Variants in SRSF9 observed in about 807,000 individuals in gnomAD.
SRSF9 encodes the protein serine and arginine rich splicing factor 9.
In SRSF9, 3 loss-of-function variants were observed where a neutral mutation model predicts 25.9. That is an observed-to-expected ratio of 0.12 (90% confidence interval 0.05 to 0.30). SRSF9 has a LOEUF of 0.30. Ranked by LOEUF, SRSF9 falls within the 10% of genes least tolerant of loss-of-function variation. The pLI is 1.00. For missense variants in SRSF9, 161 were observed against 303.5 expected, an observed-to-expected ratio of 0.53 and a Z score of 3.49; for synonymous variants, 114 against 113.2, an observed-to-expected ratio of 1.01 and a Z score of -0.05.
At chr12:120,463,615 AC>A (rs1878414928) in intron 3 of SRSF9, 1 of 181,254 alleles carries the variant, frequency 5.5e-6, no homozygotes, top group Non-Finnish European at 1.2e-5. Flanking sequence ...ACAGAGGGAT[AC>A]TGCCATTTAA....
intron 3 of SRSF9, chr12:120,462,536 A>C (rs1203619485): frequency 5.9e-6 from 1 of 168,194 alleles, no homozygotes; most frequent in East Asian, 1.8e-4. Flanking sequence ...CTGCCACCTC[A>C]TGTATGCATC....
chr12:120,462,239 C>A, intron 3 of SRSF9, 77 bp from the exon 4 acceptor site: 2 of 1,473,228 alleles, frequency 1.4e-6, no homozygotes, highest in Non-Finnish European at 1.8e-6. Context: ...CAACATCTAA[C>A]AATAATAGTT....
intron 2 of SRSF9, chr12:120,464,397 G>A (rs923315456): frequency 1.9e-5 from 6 of 309,160 alleles, no homozygotes; most frequent in African/African-American, 1.1e-4. Flanking sequence ...TAGTATCTTT[G>A]AGAATTCATA....
In SRSF9 at chr12:120,461,963, A is replaced by T; in HGVS notation, c.*56T>A. On this transcript the variant is annotated 3_prime_UTR_variant, in exon 4 of 4. Transcript: ENST00000229390. ...TCCTCAATCTGGAATGTAGATTCTG[A>T]GCACAAAGCAGCTCAGTTAACCTAA... is the stretch of plus-strand genomic sequence containing the variant. 1 of 1,470,472 alleles carries T rather than the reference A, an allele frequency of 6.8e-7. No individual in the cohort carries two copies. The highest frequency in any genetic ancestry group is 1.4e-5 in the South Asian group (1 of 70,396). 91.1% of individuals were successfully genotyped at this position (1,470,472 alleles called of 1,614,324 possible). A position where few individuals can be genotyped will look rare whatever the true frequency, so the allele number is the denominator to read the frequency against.
At position 120,469,514 on chromosome 12, in the gene SRSF9, G is replaced by T. The variant is rs200055366; in HGVS notation, c.96C>A (p.Asp32Glu). 79 of 1,595,340 alleles carry T rather than the reference G, an allele frequency of 5.0e-5. No individual in the cohort carries two copies. The highest frequency in any genetic ancestry group is 4.8e-4 in the African/African-American group (35 of 72,770). Reference protein sequence around the residue: ...PTDVREKDLEDLFYKYGRIRE... With the variant: ...PTDVREKDLEELFYKYGRIRE... Reference sequence around the variant, plus strand: ...GGATGCGGCCGTACTTGTAGAACAGGTCCTCCAAGTCCTTCTCGCGCACGT... The same window carrying T: ...GGATGCGGCCGTACTTGTAGAACAGTTCCTCCAAGTCCTTCTCGCGCACGT... The change falls in exon 1 of 4, where the codon GAC becomes GAA. Residue 32 changes from aspartate to glutamate, a missense_variant. By Grantham distance (45) the Asp-to-Glu change is conservative. Transcript: ENST00000229390.
intron 1 of SRSF9, 112 bp from the exon 2 acceptor site, chr12:120,465,899 G>C: frequency 9.4e-7 from 1 of 1,067,582 alleles, no homozygotes; most frequent in East Asian, 3.0e-5. Context: ...GAAACCTAGA[G>C]TGAAGAAAAA....
chr12:120,469,024 G>A (rs1052718181), intron 1 of SRSF9, among the ~76,000 whole-genome samples: 2 of 151,926 alleles, frequency 1.3e-5, no homozygotes, highest in Non-Finnish European at 2.9e-5. Context: ...AGCACGGGCC[G>A]GGGGAGAGGC....
chr12:120,463,121 A>G (rs533450304), intron 3 of SRSF9: 1 of 70,954 alleles, frequency 1.4e-5, no homozygotes, highest in Admixed American at 1.1e-4. Flanking sequence ...AGAAAAAAAC[A>G]ATGTCCAACT....
chr12:120,464,195 C>G, intron 2 of SRSF9, 73 bp from the exon 3 acceptor site: 1 of 1,507,958 alleles, frequency 6.6e-7, no homozygotes, highest in Non-Finnish European at 8.9e-7. Flanking sequence ...CCAGCAATAC[C>G]TATGGTCCTT....
At chr12:120,469,316 G>A (rs1405065582) in intron 1 of SRSF9, 106 bp downstream of exon 1, 1 of 713,450 alleles carries the variant, frequency 1.4e-6, no homozygotes, top group African/African-American at 1.9e-5. Context: ...GCGCGGAGGC[G>A]GGGGGAGGGG....
intron 2 of SRSF9, 104 bp downstream of exon 2, chr12:120,465,523 C>A: frequency 7.8e-7 from 1 of 1,288,710 alleles, no homozygotes. Context: ...AAGAAAGCCC[C>A]CGTGTCCCAT....
chr12:120,469,503 T>C lies in SRSF9; in HGVS notation c.107A>G (p.Lys36Arg). The stretch of plus-strand genomic sequence containing the variant: ...CTCGATCTCGCGGATGCGGCCGTAC[T>C]TGTAGAACAGGTCCTCCAAGTCCTT... ...REKDLEDLFY[K>R]YGRIREIELK... Residue 36 changes from lysine (K) to arginine (R), a missense_variant, in exon 1 of 4, where the codon AAG becomes AGG. Lys to Arg is a conservative substitution (Grantham distance 26, BLOSUM62 2). Coordinates refer to ENST00000229390, the MANE Select transcript of SRSF9 (RefSeq NM_003769.3). The C allele has an allele frequency of 6.2e-7, 1 of 1,602,060 alleles. No individual in the cohort carries two copies. The highest frequency in any genetic ancestry group is 1.1e-5 in the South Asian group (1 of 89,414).
At chr12:120,465,888 G>A in intron 1 of SRSF9, 101 bp from the exon 2 acceptor site, 1 of 1,182,422 alleles carries the variant, frequency 8.5e-7, no homozygotes, top group Non-Finnish European at 1.2e-6. Flanking sequence ...AGCATAAAAG[G>A]GAAACCTAGA....
At chr12:120,466,396 T>TA (rs1303923439) in intron 1 of SRSF9, among the ~76,000 whole-genome samples, 4 of 151,840 alleles carry the variant, frequency 2.6e-5, no homozygotes, top group Middle Eastern at 6.8e-3. Context: ...TATTTGAGGG[T>TA]AAATAAAGTA....
At chr12:120,466,337 C>A (rs921415043) in intron 1 of SRSF9, among the ~76,000 whole-genome samples, 2 of 151,836 alleles carry the variant, frequency 1.3e-5, no homozygotes, top group Non-Finnish European at 1.5e-5. Context: ...GTGACAGAGA[C>A]CCTGTCCCAA....
chr12:120,468,204 G>C (rs918813546), intron 1 of SRSF9, among the ~76,000 whole-genome samples: 1 of 151,352 alleles, frequency 6.6e-6, no homozygotes, highest in Non-Finnish European at 1.5e-5. Context: ...CCGCTGAGAC[G>C]GGAGAATCAC....
At chr12:120,462,824 G>A (rs994550438) in intron 3 of SRSF9, 2 of 152,228 alleles carry the variant, frequency 1.3e-5, no homozygotes, top group African/African-American at 4.8e-5. Context: ...AGATGCCAAG[G>A]GGAAAGAAGC....
chr12:120,466,086 C>G (rs1433249247), intron 1 of SRSF9, among the ~76,000 whole-genome samples: 1 of 152,172 alleles, frequency 6.6e-6, no homozygotes, highest in Non-Finnish European at 1.5e-5. Context: ...CAACTGCTGA[C>G]AGATTATTGA....
intron 3 of SRSF9, chr12:120,462,425 A>G: frequency 3.0e-6 from 1 of 330,890 alleles, no homozygotes; most frequent in Non-Finnish European, 5.6e-6. Context: ...ACATGTTGAT[A>G]CTCAATTAAC....
Sources: allele counts gnomAD v4.1 joint callset (sites outside exome capture counted in the v4.1 genomes callset), GRCh38; gene constraint gnomAD v4.1.1; transcripts MANE v1.5; gene names NCBI Gene and HGNC (gene_info 2026-07-23, HGNC 2026-07-21).